The following STAT5B variants were observed in gnomAD, a reference collection of about 807,000 sequenced individuals.
STAT5B encodes transcription factor STAT5B.
Under a neutral mutation model 107.8 loss-of-function variants are expected in STAT5B, and 21 were observed. The ratio of observed to expected loss-of-function variants is 0.19; its 90% CI spans 0.14 to 0.28. The LOEUF (loss-of-function observed/expected upper bound fraction) is 0.28, where lower values mean the gene tolerates loss of function less well. Ranked by LOEUF, STAT5B falls within the 10% of genes least tolerant of loss-of-function variation. The probability of loss-of-function intolerance (pLI) is 1.00; values close to 1 mark genes in which losing one functional copy is unlikely to be tolerated. For synonymous variants in STAT5B, 325 were observed against 401.7 expected (o/e 0.81, Z 2.28); for missense variants, 565 against 1,008.2 (o/e 0.56, Z 5.95).
At chr17:42,219,124 A>C (rs973943495) in intron 7 of STAT5B, among the ~76,000 whole-genome samples, 188 bp downstream of exon 7, 1 of 152,186 alleles carries the variant, frequency 6.6e-6, no homozygotes, top group Non-Finnish European at 1.5e-5. Context: ...CCAGGACAGC[A>C]GCCCCCTTCC....
chr17:42,264,043 ATT>A (rs1271872911), intron 1 of STAT5B, among the ~76,000 whole-genome samples: 1 of 152,012 alleles, frequency 6.6e-6, no homozygotes, highest in Admixed American at 6.6e-5. Context: ...GTCATTAAAT[ATT>A]GTTTTATAAC....
intron 15 of STAT5B, among the ~76,000 whole-genome samples, chr17:42,209,042 T>G (rs2080108257): frequency 6.7e-6 from 1 of 149,372 alleles, no homozygotes; most frequent in Non-Finnish European, 1.5e-5. Flanking sequence ...CTTTTTTTTT[T>G]TTTCTTTTAA....
the STAT5B span, among the ~76,000 whole-genome samples, chr17:42,287,192 G>A: frequency 5.3e-5 from 8 of 150,814 alleles, no homozygotes. Flanking sequence ...CTGCAGCTTT[G>A]AAGTTCTTTT....
chr17:42,234,156 G>C (rs1248652283), intron 1 of STAT5B: 1 of 152,228 alleles, frequency 6.6e-6, no homozygotes, highest in East Asian at 1.9e-4. Flanking sequence ...GACTGTACAA[G>C]TGTGTCAGGA....
At position 42,218,772 on chromosome 17, in the gene STAT5B, C is replaced by T; in HGVS notation, c.940G>A (p.Ala314Thr). The T allele has an allele frequency of 6.2e-7, 1 of 1,612,902 alleles. No individual in the cohort carries two copies. Among genetic ancestry groups the T allele is most frequent in the Non-Finnish European group, 8.5e-7 (1 of 1,179,416 alleles). The change falls in exon 8 of 19, where the codon GCC becomes ACC. Residue 314 changes from alanine (A) to threonine (T), a missense_variant. Physicochemically the swap from Ala to Thr is moderately conservative, Grantham distance 58 (BLOSUM62 0). Transcript: ENST00000293328. ...TCCGTGATGGTGGCGTTGACCTCGG[C>T]CAGCATCTCCTCCACTGGGCCGGGG... ...PIPGPVEEML[A>T]EVNATITDII... is the part of the protein sequence containing the mutation.
intron 15 of STAT5B, 94 bp downstream of exon 15, chr17:42,210,077 C>T (rs2080116328): frequency 6.3e-7 from 1 of 1,575,592 alleles, no homozygotes; most frequent in Non-Finnish European, 8.7e-7. Flanking sequence ...TAGTACTGAC[C>T]TCAACAAATA....
chr17:42,253,435 A>G (rs2080516224), intron 1 of STAT5B, among the ~76,000 whole-genome samples: 1 of 152,182 alleles, frequency 6.6e-6, no homozygotes, highest in South Asian at 2.1e-4. Context: ...GCCCTATGAC[A>G]AGAGATGGGA....
At chr17:42,272,312 A>G (rs966021871) in intron 1 of STAT5B, 9 of 152,166 alleles carry the variant, frequency 5.9e-5, no homozygotes, top group Admixed American at 5.9e-4. Context: ...AACGGCTATC[A>G]TTACTACTTA....
chr17:42,252,255 T>G (rs1006970994), intron 1 of STAT5B, among the ~76,000 whole-genome samples: 3 of 152,130 alleles, frequency 2.0e-5, no homozygotes, highest in Non-Finnish European at 1.5e-5. Flanking sequence ...CTTTAACACC[T>G]TTAGGTAGAA....
intron 16 of STAT5B, 66 bp downstream of exon 16, chr17:42,207,486 TGCACAC>T (rs1567654773): frequency 2.2e-6 from 3 of 1,339,668 alleles, no homozygotes; most frequent in Non-Finnish European, 3.1e-6. Context: ...CACGCAGGTA[TGCACAC>T]ACACACACAC....
At chr17:42,204,774 G>A (rs945143127) in intron 16 of STAT5B, among the ~76,000 whole-genome samples, 2 of 152,114 alleles carry the variant, frequency 1.3e-5, no homozygotes, top group Admixed American at 1.3e-4. Context: ...GCCACCAAGC[G>A]CAGCTAACTT....
At chr17:42,284,264 CTTTT>C in the STAT5B span, among the ~76,000 whole-genome samples, 4 of 145,546 alleles carry the variant, frequency 2.7e-5, no homozygotes, top group Non-Finnish European at 6.1e-5. Context: ...CTCTCTCCCT[CTTTT>C]TTTTTTTTTC....
At chr17:42,257,763 T>C (rs1291472667) in intron 1 of STAT5B, among the ~76,000 whole-genome samples, 1 of 152,204 alleles carries the variant, frequency 6.6e-6, no homozygotes, top group Admixed American at 6.5e-5. Flanking sequence ...AATGTTTACT[T>C]TCTTCTTTTT....
At chr17:42,230,801 C>T (rs1184889886) in intron 2 of STAT5B, among the ~76,000 whole-genome samples, 1 of 152,114 alleles carries the variant, frequency 6.6e-6, no homozygotes, top group South Asian at 2.1e-4. Flanking sequence ...GCTGGGATTA[C>T]AGGCGCCCGT....
At chr17:42,213,939 C>T (rs1227645496) in intron 12 of STAT5B, among the ~76,000 whole-genome samples, 2 of 150,488 alleles carry the variant, frequency 1.3e-5, no homozygotes, top group Non-Finnish European at 3.0e-5. Context: ...GTCAAGAATT[C>T]GAGACCAGCC....
intron 10 of STAT5B, 36 bp from the exon 11 acceptor site, chr17:42,217,318 T>C (rs774739533): frequency 1.2e-6 from 2 of 1,614,210 alleles, no homozygotes; most frequent in South Asian, 2.2e-5. Flanking sequence ...ACGTAAGATA[T>C]AAGTTGTTCC....
upstream of STAT5B, chr17:42,276,413 C>G (rs2080767107): frequency 3.4e-5 from 5 of 146,884 alleles, no homozygotes. This position sits in a 1 kb window ranked among gnomAD's most constrained non-coding sequence, Gnocchi z 4.8. Flanking sequence ...CGCCGGGGCC[C>G]GCGGGGGCGC....
chr17:42,225,485 C>T (rs1194493828), intron 3 of STAT5B, among the ~76,000 whole-genome samples: 1 of 152,142 alleles, frequency 6.6e-6, no homozygotes, highest in Non-Finnish European at 1.5e-5. Context: ...ACACTGCCCC[C>T]CTCTGGATGT....
chr17:42,227,738 T>A (rs2080285885), intron 2 of STAT5B, 53 bp from the exon 3 acceptor site: 1 of 1,586,212 alleles, frequency 6.3e-7, no homozygotes, highest in Non-Finnish European at 8.6e-7. Context: ...TGAGCCTGTA[T>A]AAATACAGCC....
Sources: gnomAD v4.1 joint callset for allele counts (sites outside exome capture counted in the v4.1 genomes callset) on GRCh38, gnomAD v4.1.1 for gene constraint, Gnocchi (gnomAD v3.1) non-coding constraint, MANE v1.5 for transcripts, NCBI Gene and HGNC (gene_info 2026-07-23, HGNC 2026-07-21) for gene names.